Variants in TRIQK observed in about 807,000 individuals in gnomAD.
TRIQK encodes the protein triple QxxK/R motif containing.
TRIQK carries 10 observed loss-of-function variants against 10.8 expected under a neutral mutation model. The ratio of observed to expected loss-of-function variants is 0.92; its 90% confidence interval spans 0.57 to 1.57. The LOEUF (loss-of-function observed/expected upper bound fraction) is 1.57. Ranked by LOEUF, TRIQK falls within the 40% of genes most tolerant of loss-of-function variation. The probability of loss-of-function intolerance (pLI) is 0.00; values close to 1 mark genes in which losing one functional copy is unlikely to be tolerated. For missense variants in TRIQK, 107 were observed against 97.7 expected, an observed-to-expected ratio of 1.09 and a Z score of -0.40; for synonymous variants, 33 against 33.7, an observed-to-expected ratio of 0.98 and a Z score of 0.07.
chr8:93,004,058 A>C (rs913923792), intron 1 of TRIQK, among the ~76,000 whole-genome samples: 1 of 152,230 alleles, frequency 6.6e-6, no homozygotes, highest in Non-Finnish European at 1.5e-5. Context: ...ACCATTCTGC[A>C]GTCTGAAGGA....
chr8:92,953,254 A>T (rs72677463), intron 2 of TRIQK, among the ~76,000 whole-genome samples: 7,097 of 152,096 alleles, frequency 0.047, 203 homozygotes, highest in African/African-American at 0.061. Flanking sequence ...TAAGTAGTTA[A>T]AACACATTTT....
intron 1 of TRIQK, among the ~76,000 whole-genome samples, chr8:92,980,543 G>A (rs1049701031): frequency 6.6e-6 from 1 of 151,916 alleles, no homozygotes; most frequent in Non-Finnish European, 1.5e-5. Flanking sequence ...CTCACTATCT[G>A]GGTAAAAAGT....
chr8:92,967,901 T>C (rs1253891916), upstream of TRIQK, among the ~76,000 whole-genome samples: 1 of 150,358 alleles, frequency 6.7e-6, no homozygotes, highest in Admixed American at 6.6e-5. Flanking sequence ...TATAAATAAA[T>C]GCTGTAAGAT....
chr8:92,897,625 A>C (rs146212350), intron 3 of TRIQK, among the ~76,000 whole-genome samples: 3 of 152,248 alleles, frequency 2.0e-5, no homozygotes, highest in African/African-American at 7.2e-5. Context: ...CAGAACTTTA[A>C]AAAATAGATT....
At chr8:92,999,577 A>C (rs1180024429) in intron 1 of TRIQK, among the ~76,000 whole-genome samples, 1 of 152,162 alleles carries the variant, frequency 6.6e-6, no homozygotes. Flanking sequence ...AGAAACAGTG[A>C]ATCTCCAAAA....
intron 1 of TRIQK, chr8:92,974,545 T>G (rs1285712425): frequency 2.0e-5 from 3 of 152,208 alleles, no homozygotes; most frequent in East Asian, 3.9e-4. Context: ...TGAAGCTTGG[T>G]TGTTGCTGAA....
chr8:92,887,082 T>C (rs1268590944), intron 4 of TRIQK: 1 of 159,652 alleles, frequency 6.3e-6, no homozygotes, highest in Non-Finnish European at 1.4e-5. Context: ...TCTACACAGT[T>C]GATCTGTTTT....
At chr8:92,917,217 G>T (rs1346606683) in intron 2 of TRIQK, among the ~76,000 whole-genome samples, 2 of 151,830 alleles carry the variant, frequency 1.3e-5, no homozygotes, top group Admixed American at 1.3e-4. Context: ...TCAATCATTT[G>T]TTTTTGATAA....
At chr8:93,002,662 G>A (rs534086193) in intron 1 of TRIQK, among the ~76,000 whole-genome samples, 3 of 152,284 alleles carry the variant, frequency 2.0e-5, no homozygotes, top group East Asian at 3.9e-4. Context: ...GCTCAGACCT[G>A]TAATCCCAGC....
chr8:93,001,812 A>G (rs1446938235), intron 1 of TRIQK, among the ~76,000 whole-genome samples: 1 of 152,208 alleles, frequency 6.6e-6, no homozygotes, highest in Non-Finnish European at 1.5e-5. Context: ...AGAACATTTT[A>G]TCCATAGCTA....
chr8:92,991,802 A>G (rs901703613), intron 1 of TRIQK, among the ~76,000 whole-genome samples: 2 of 152,170 alleles, frequency 1.3e-5, no homozygotes, highest in East Asian at 3.9e-4. Context: ...CAACTTTAGC[A>G]AAGTCTCAGG....
At chr8:92,934,939 A>T (rs1201694666) in intron 2 of TRIQK, among the ~76,000 whole-genome samples, 1 of 151,900 alleles carries the variant, frequency 6.6e-6, no homozygotes, top group Admixed American at 6.6e-5. Flanking sequence ...AAATAGATGG[A>T]ATAGTACAAT....
intron 2 of TRIQK, among the ~76,000 whole-genome samples, chr8:92,917,461 T>C (rs1299429121): frequency 6.6e-6 from 1 of 152,060 alleles, no homozygotes; most frequent in Admixed American, 6.6e-5. Context: ...TTAAAAAGCA[T>C]AACATATACA....
At chr8:92,894,956 C>T (rs892350214) in intron 3 of TRIQK, among the ~76,000 whole-genome samples, 5 of 152,042 alleles carry the variant, frequency 3.3e-5, no homozygotes, top group African/African-American at 4.8e-5. Context: ...TTTAATGTGT[C>T]CCCCAAAATT....
At chr8:92,990,776 T>C (rs1235668708) in intron 1 of TRIQK, among the ~76,000 whole-genome samples, 1 of 152,136 alleles carries the variant, frequency 6.6e-6, no homozygotes, top group Non-Finnish European at 1.5e-5. Flanking sequence ...AGAGATTCCC[T>C]TGGGTGCCTA....
chr8:92,981,321 C>A (rs182673058), intron 1 of TRIQK, among the ~76,000 whole-genome samples: 1 of 151,744 alleles, frequency 6.6e-6, no homozygotes, highest in Admixed American at 6.6e-5. Flanking sequence ...CTCTTTTGTG[C>A]TAAATCCTCT....
chr8:92,929,775 C>T (rs186531342), intron 2 of TRIQK, among the ~76,000 whole-genome samples: 4 of 151,964 alleles, frequency 2.6e-5, no homozygotes, highest in African/African-American at 7.2e-5. Context: ...TTTTCAAGTA[C>T]GAAAATGATT....
At chr8:92,940,744 CA>C (rs1586464342) in intron 2 of TRIQK, among the ~76,000 whole-genome samples, 1 of 152,148 alleles carries the variant, frequency 6.6e-6, no homozygotes, top group East Asian at 1.9e-4. Context: ...AATAAAGAAA[CA>C]TTGAATTTAG....
chr8:92,944,786 T>C (rs957170389), intron 2 of TRIQK, among the ~76,000 whole-genome samples: 3 of 152,176 alleles, frequency 2.0e-5, no homozygotes, highest in Admixed American at 2.0e-4. Context: ...TCTGGTGTTC[T>C]ATTGTAGATT....
Sources: gnomAD v4.1 joint callset for allele counts (sites outside exome capture counted in the v4.1 genomes callset) on GRCh38, gnomAD v4.1.1 for gene constraint, MANE v1.5 for transcripts, NCBI Gene and HGNC (gene_info 2026-07-23, HGNC 2026-07-21) for gene names.